The following C16orf74 variants were observed in gnomAD, a reference collection of about 807,000 sequenced individuals.
C16orf74 encodes the protein calcimembrin.
C16orf74 carries 10 observed loss-of-function variants against 6.5 expected under a neutral mutation model. That is an observed-to-expected ratio of 1.54 (90% CI 0.95 to 2.61). The LOEUF (loss-of-function observed/expected upper bound fraction) is 2.61. Among genes scored for constraint, C16orf74 ranks in the 30% most tolerant of loss-of-function variants. The pLI, the probability that C16orf74 is intolerant of heterozygous loss-of-function variation, is 0.00. For missense variants in C16orf74, 141 were observed against 105.9 expected, an observed-to-expected ratio of 1.33 and a Z score of -1.45; for synonymous variants, 60 against 42.5, an observed-to-expected ratio of 1.41 and a Z score of -1.60.
At chr16:85,735,133 C>T (rs982477052) in intron 2 of C16orf74, 57 bp downstream of exon 2, 7 of 1,544,320 alleles carry the variant, frequency 4.5e-6, no homozygotes, top group Admixed American at 1.9e-5. Context: ...CTCCTGCCCC[C>T]CAACCCAGCA....
chr16:85,740,608 C>T (rs531795832), intron 1 of C16orf74, among the ~76,000 whole-genome samples: 74 of 150,580 alleles, frequency 4.9e-4, no homozygotes, highest in African/African-American at 1.5e-3. Context: ...AGAAGAATGG[C>T]GTGAACCCGG....
At chr16:85,720,038 G>A (rs1287909013) in intron 2 of C16orf74, among the ~76,000 whole-genome samples, 1 of 151,806 alleles carries the variant, frequency 6.6e-6, no homozygotes, top group South Asian at 2.1e-4. Context: ...AAGGGTTCCA[G>A]ATGCGTTTAA....
intron 2 of C16orf74, among the ~76,000 whole-genome samples, chr16:85,733,959 T>C (rs2054217741): frequency 6.6e-6 from 1 of 152,194 alleles, no homozygotes; most frequent in Non-Finnish European, 1.5e-5. Context: ...ACTGGGCCAA[T>C]CGGATGCTCT....
At chr16:85,724,499 C>T (rs568723660) in intron 2 of C16orf74, among the ~76,000 whole-genome samples, 1 of 152,308 alleles carries the variant, frequency 6.6e-6, no homozygotes, top group South Asian at 2.1e-4. Context: ...GACACCTCAG[C>T]TTCTGTATCT....
intron 2 of C16orf74, among the ~76,000 whole-genome samples, chr16:85,713,214 C>A (rs541295348): frequency 6.6e-6 from 1 of 152,258 alleles, no homozygotes; most frequent in East Asian, 1.9e-4. Context: ...AAGCCTCACC[C>A]CATCTCTACC....
intron 2 of C16orf74, among the ~76,000 whole-genome samples, chr16:85,721,567 T>C (rs902714826): frequency 2.6e-5 from 4 of 152,218 alleles, no homozygotes; most frequent in African/African-American, 9.7e-5. Flanking sequence ...ACAGTATTCC[T>C]TATCTGAAAT....
rs111251129 is a variant in C16orf74, at chr16:85,748,187, T to C, written c.-19+2739A>G. ...GTATATATATATATATACACATACATACATTGGTTTCATCTGGAAAGGTGG... is the reference window on the plus strand; with the variant it reads ...GTATATATATATATATACACATACACACATTGGTTTCATCTGGAAAGGTGG... On this transcript the variant is annotated intron_variant, in intron 1 of 3. Transcript: ENST00000284245. Among the ~76,000 whole-genome samples, 2 of 71,236 alleles carry C rather than the reference T, an allele frequency of 2.8e-5. 1 individual carries two copies. Among genetic ancestry groups the C allele is most frequent in the Non-Finnish European group, 1.0e-4 (2 of 20,010 alleles). 46.7% of individuals were successfully genotyped at this position (71,236 alleles called of 152,430 possible). A position where few individuals can be genotyped will look rare whatever the true frequency, so the allele number is the denominator to read the frequency against.
chr16:85,740,233 AAAAG>A (rs2054289600), intron 1 of C16orf74, among the ~76,000 whole-genome samples: 1 of 150,394 alleles, frequency 6.6e-6, no homozygotes, highest in African/African-American at 2.4e-5. Flanking sequence ...AAAAAAAAGA[AAAAG>A]AAATGGTCCT....
At chr16:85,721,018 G>T (rs1738164934) in intron 2 of C16orf74, among the ~76,000 whole-genome samples, 1 of 152,118 alleles carries the variant, frequency 6.6e-6, no homozygotes, top group African/African-American at 2.4e-5. Flanking sequence ...TTGAACCCAG[G>T]AGGCAGAGGT....
intron 2 of C16orf74, among the ~76,000 whole-genome samples, chr16:85,733,435 G>T (rs1348487622): frequency 6.6e-6 from 1 of 152,208 alleles, no homozygotes; most frequent in African/African-American, 2.4e-5. Flanking sequence ...CAGAGTTTCA[G>T]TTGGAGATGA....
At chr16:85,735,144 C>G (rs765560759) in intron 2 of C16orf74, 46 bp downstream of exon 2, 1 of 1,572,656 alleles carries the variant, frequency 6.4e-7, no homozygotes, top group Non-Finnish European at 8.7e-7. Context: ...CAACCCAGCA[C>G]CCCCTCTGCC....
intron 2 of C16orf74, among the ~76,000 whole-genome samples, chr16:85,722,938 C>A (rs535260520): frequency 6.6e-6 from 1 of 152,156 alleles, no homozygotes; most frequent in Non-Finnish European, 1.5e-5. Context: ...CTGGAAGACA[C>A]GGAGGCGAAA....
At chr16:85,708,113 A>G (rs1233299304) in intron 3 of C16orf74, 47 bp from the exon 4 acceptor site, 4 of 1,474,366 alleles carry the variant, frequency 2.7e-6, no homozygotes, top group Non-Finnish European at 3.7e-6. Context: ...TGCCCCCACC[A>G]CACCAAGCCC....
intron 2 of C16orf74, among the ~76,000 whole-genome samples, chr16:85,729,241 G>A (rs1040832875): frequency 2.6e-5 from 4 of 152,252 alleles, no homozygotes; most frequent in Non-Finnish European, 5.9e-5. Flanking sequence ...GCAGTGATGA[G>A]GGTGCCATGC....
At chr16:85,718,432 C>T (rs1055949154) in intron 2 of C16orf74, among the ~76,000 whole-genome samples, 2 of 152,198 alleles carry the variant, frequency 1.3e-5, no homozygotes, top group Non-Finnish European at 2.9e-5. Context: ...CTGAATGGGA[C>T]CACGCCCTCT....
At chr16:85,709,591 A>C (rs1315222870) in intron 3 of C16orf74, among the ~76,000 whole-genome samples, 1 of 152,154 alleles carries the variant, frequency 6.6e-6, no homozygotes, top group Non-Finnish European at 1.5e-5. Context: ...CTCAATGAAT[A>C]CATGAACAAT....
intron 1 of C16orf74, among the ~76,000 whole-genome samples, chr16:85,736,538 TACC>T (rs565370763): frequency 3.9e-5 from 6 of 151,906 alleles, no homozygotes; most frequent in Non-Finnish European, 8.8e-5. Context: ...GGGTGGGAGA[TACC>T]ACCAAGACAT....
Position 85,722,012 on chromosome 16 carries a change from T to C in C16orf74, c.29-11705A>G, listed in dbSNP as rs952635740. Among the ~76,000 whole-genome samples the C allele has an allele frequency of 1.6e-5, 2 of 121,382 alleles. 1 individual carries two copies. The highest frequency in any genetic ancestry group is 6.4e-5 in the African/African-American group (2 of 31,170). The allele number at this position is 121,382 out of a possible 152,430, so 79.6% of individuals were successfully genotyped here. A position where few individuals can be genotyped will look rare whatever the true frequency, so the allele number is the denominator to read the frequency against. On this transcript the variant is annotated intron_variant, in intron 2 of 3. Coordinates refer to ENST00000284245, the MANE Select transcript of C16orf74 (RefSeq NM_206967.3). Reference sequence around the variant, plus strand: ...TTTTTTTTTTTTTTTTTTAAAGAAATGGTGGTCTTGCTATGTTGCCAGGTG... The same window carrying C: ...TTTTTTTTTTTTTTTTTTAAAGAAACGGTGGTCTTGCTATGTTGCCAGGTG...
chr16:85,715,903 G>A (rs992679921), intron 2 of C16orf74, among the ~76,000 whole-genome samples: 1 of 152,198 alleles, frequency 6.6e-6, no homozygotes, highest in African/African-American at 2.4e-5. Context: ...GTGAGGACAT[G>A]AATGAATTCA....
Sources: allele counts gnomAD v4.1 joint callset (sites outside exome capture counted in the v4.1 genomes callset), GRCh38; gene constraint gnomAD v4.1.1; transcripts MANE v1.5; gene names NCBI Gene and HGNC (gene_info 2026-07-23, HGNC 2026-07-21).